MYH11: variants seen among roughly 807,000 people sequenced by gnomAD.
The protein encoded by MYH11 is myosin heavy chain 11.
A neutral mutation model predicts 246.6 loss-of-function variants in MYH11; 80 were observed. That is an observed-to-expected ratio of 0.32 (90% CI 0.27 to 0.39). The LOEUF (loss-of-function observed/expected upper bound fraction) is 0.39. Among genes scored for constraint, MYH11 ranks in the 10% least tolerant of loss-of-function variants. MYH11 has a pLI of 1.00. For synonymous variants in MYH11, 1,071 were observed against 1,015.5 expected (o/e 1.05, Z -1.04); for missense variants, 2,158 against 2,546.8 (o/e 0.85, Z 3.29).
chr16:15,847,491 T>G (rs901632592), intron 1 of MYH11, among the ~76,000 whole-genome samples: 1 of 152,154 alleles, frequency 6.6e-6, no homozygotes, highest in Non-Finnish European at 1.5e-5. Context: ...TGACCTCAAG[T>G]GATCTGCCTG....
At chr16:15,715,684 G>T (rs564938673) in intron 38 of MYH11, among the ~76,000 whole-genome samples, 14 of 152,242 alleles carry the variant, frequency 9.2e-5, no homozygotes, top group African/African-American at 3.1e-4. Context: ...GAGTGCAGTG[G>T]TGCTCCAATG....
rs2043951054 is a variant in MYH11 at position 15,838,082 on chromosome 16, C to T, written c.171G>A (p.Glu57=). 6.2e-7 allele frequency: 1 copy of T among 1,614,134 alleles called. No homozygotes were observed. The highest frequency in any genetic ancestry group is 8.5e-7 in the Non-Finnish European group (1 of 1,180,024). The change falls in exon 2 of 41, where the codon GAG becomes GAA. Residue 57 remains glutamate (E), a synonymous_variant. Coordinates refer to ENST00000300036, the MANE Select transcript of MYH11 (RefSeq NM_002474.3). The part of the protein sequence containing the change: ...AASIKEEKGD[E]VVVELVENGK... ...CATTCTCCACCAGCTCCACAACCAC[C>T]TCATCCCCCTTCTCCTCCTTAATGC...
chr16:15,848,225 AGTCTTTTTTT>A (rs1371631287), intron 1 of MYH11, among the ~76,000 whole-genome samples: 1 of 128,970 alleles, frequency 7.8e-6, no homozygotes, highest in Non-Finnish European at 1.6e-5. Context: ...ATAGTTGCTA[AGTCTTTTTTT>A]TTTTTTTTTT....
intron 26 of MYH11, among the ~76,000 whole-genome samples, chr16:15,733,170 G>T (rs535769179): frequency 5.3e-5 from 8 of 152,152 alleles, no homozygotes; most frequent in Non-Finnish European, 1.0e-4. Flanking sequence ...TTTACCCATG[G>T]TGTCACAGCC....
intron 9 of MYH11, among the ~76,000 whole-genome samples, chr16:15,766,381 G>A (rs1025220838): frequency 4.8e-5 from 7 of 146,406 alleles, no homozygotes; most frequent in African/African-American, 1.8e-4. Flanking sequence ...GTGTGTGTGT[G>A]TGTGTGTGAG....
chr16:15,829,478 G>T (rs3888687), intron 2 of MYH11, among the ~76,000 whole-genome samples: 6,688 of 152,130 alleles, frequency 0.044, 449 homozygotes, highest in African/African-American at 0.15. Context: ...CTTCAGCATC[G>T]GGCTCTTCCT....
chr16:15,727,307 TCTC>T (rs1300807405), intron 27 of MYH11, among the ~76,000 whole-genome samples: 1 of 151,936 alleles, frequency 6.6e-6, no homozygotes, highest in African/African-American at 2.4e-5. Context: ...TTCAAACTAT[TCTC>T]CTGCCTCAGC....
chr16:15,718,102 G>GAGAC (rs1395609496), intron 37 of MYH11: 2 of 727,530 alleles, frequency 2.7e-6, no homozygotes, highest in African/African-American at 3.5e-5. Context: ...GCTGGAAAAT[G>GAGAC]AGACACTGCA....
chr16:15,799,204 C>T (rs1213990872), intron 3 of MYH11, among the ~76,000 whole-genome samples: 3 of 152,158 alleles, frequency 2.0e-5, no homozygotes, highest in African/African-American at 4.8e-5. Context: ...AGGTTTCCCC[C>T]ATCACCCCTA....
intron 27 of MYH11, among the ~76,000 whole-genome samples, chr16:15,731,876 C>T (rs1181214779): frequency 1.3e-5 from 2 of 152,082 alleles, no homozygotes; most frequent in Non-Finnish European, 2.9e-5. Context: ...GCAGCCTCAA[C>T]CTCCCAGGCT....
chr16:15,830,050 G>A (rs1431926268), intron 2 of MYH11, among the ~76,000 whole-genome samples: 1 of 152,034 alleles, frequency 6.6e-6, no homozygotes, highest in Non-Finnish European at 1.5e-5. Context: ...CAGGAGAACT[G>A]CTTGAACTCA....
chr16:15,715,690 C>A (rs1410479617), intron 38 of MYH11, among the ~76,000 whole-genome samples: 1 of 152,078 alleles, frequency 6.6e-6, no homozygotes, highest in African/African-American at 2.4e-5. Flanking sequence ...AGTGGTGCTC[C>A]AATGCCTGCT....
At chr16:15,832,694 G>C (rs577156703) in intron 2 of MYH11, among the ~76,000 whole-genome samples, 1 of 152,230 alleles carries the variant, frequency 6.6e-6, no homozygotes, top group Non-Finnish European at 1.5e-5. Context: ...CATAATAAAA[G>C]GTTCAATTCC....
chr16:15,741,877 C>A lies in MYH11; in HGVS notation c.2535G>T (p.Leu845=). The change falls in exon 21 of 41, where the codon CTG becomes CTT. Residue 845 remains leucine (L), a synonymous_variant. Transcript: ENST00000300036. The part of the protein sequence containing the change: ...WRLFTKVKPL[L]QVTRQEEEMQ... ...TCTCCTCCTCCTGCCGTGTCACCTG[C>A]AGCAGTGGCTTCACCTGCACACACA... The A allele has an allele frequency of 6.2e-7, 1 of 1,614,270 alleles. No homozygotes were observed. Among genetic ancestry groups the A allele is most frequent in the Non-Finnish European group, 8.5e-7 (1 of 1,180,046 alleles).
At position 15,721,482 on chromosome 16, in the gene MYH11, G is replaced by A. The variant is rs775411322; in HGVS notation, c.4518C>T (p.Asn1506=). 7 of 1,614,068 alleles carry A rather than the reference G, an allele frequency of 4.3e-6. No homozygotes were observed. Among genetic ancestry groups the A allele is most frequent in the South Asian group, 3.3e-5 (3 of 91,078 alleles). ...LEAKEELERT[N]KMLKAEMEDL... is the part of the protein sequence containing the mutation. ...CTTCCATTTCGGCTTTGAGCATTTT[G>A]TTGGTCCGCTCGAGTTCCTCTTTGG... Residue 1506 remains asparagine, a synonymous_variant, in exon 32 of 41, where the codon AAC becomes AAT. Coordinates refer to ENST00000300036, the MANE Select transcript of MYH11 (RefSeq NM_002474.3).
intron 4 of MYH11, among the ~76,000 whole-genome samples, chr16:15,788,431 G>C (rs1471797253): frequency 4.0e-5 from 6 of 151,464 alleles, no homozygotes; most frequent in Non-Finnish European, 7.4e-5. Context: ...ACCAAAGCTA[G>C]TACAGTCTCT....
intron 1 of MYH11, among the ~76,000 whole-genome samples, chr16:15,846,659 G>A (rs1325370420): frequency 6.6e-6 from 1 of 152,144 alleles, no homozygotes; most frequent in Non-Finnish European, 1.5e-5. Context: ...GACCAGCCTG[G>A]CCAACACAGC....
rs2151264337 is a variant in MYH11 at position 15,750,456 on chromosome 16, C to T, written c.1865-125G>A. 1 of 926,668 alleles carries T rather than the reference C, an allele frequency of 1.1e-6. No individual in the cohort carries two copies. The highest frequency in any genetic ancestry group is 1.7e-6 in the Non-Finnish European group (1 of 601,654). The allele number at this position is 926,668 out of a possible 1,614,324, so 57.4% of individuals were successfully genotyped here. A position where few individuals can be genotyped will look rare whatever the true frequency, so the allele number is the denominator to read the frequency against. On this transcript the variant is annotated intron_variant, in intron 15 of 40. Coordinates refer to ENST00000300036, the MANE Select transcript of MYH11 (RefSeq NM_002474.3). The surrounding 1 kb of genome is among the most constrained non-coding windows in gnomAD (Gnocchi z 4.3). The stretch of plus-strand genomic sequence containing the variant: ...ATCTTTCCTTCCATCACCAACGCCT[C>T]CTTCGGCAGTCAGGGTTTCCAAGTA...
intron 19 of MYH11, 50 bp from the exon 20 acceptor site, chr16:15,745,287 T>C: frequency 7.5e-7 from 1 of 1,335,978 alleles, no homozygotes; most frequent in East Asian, 2.3e-5. Flanking sequence ...CACACCCTGC[T>C]GTCAACAGAG....
Sources: gnomAD v4.1 joint callset for allele counts (sites outside exome capture counted in the v4.1 genomes callset) on GRCh38, gnomAD v4.1.1 for gene constraint, Gnocchi (gnomAD v3.1) non-coding constraint, MANE v1.5 for transcripts, NCBI Gene and HGNC (gene_info 2026-07-23, HGNC 2026-07-21) for gene names.